Variants in SHISA9 observed in about 807,000 individuals in gnomAD.
The protein encoded by SHISA9 is protein shisa-9.
Under a neutral mutation model 38.0 loss-of-function variants are expected in SHISA9, and 13 were observed. The ratio of observed to expected loss-of-function variants is 0.34; its 90% CI spans 0.22 to 0.54. The LOEUF (loss-of-function observed/expected upper bound fraction) is 0.54, where lower values mean the gene tolerates loss of function less well. SHISA9 is among the 20% of genes least tolerant of loss of function. SHISA9 has a pLI of 0.91. For synonymous variants in SHISA9, 275 were observed against 242.0 expected, an observed-to-expected ratio of 1.14 and a Z score of -1.27; for missense variants, 538 against 575.8, an observed-to-expected ratio of 0.93 and a Z score of 0.67.
the SHISA9 span, among the ~76,000 whole-genome samples, chr16:13,396,570 CA>C: frequency 4.8e-4 from 73 of 152,322 alleles, 1 homozygote; most frequent in East Asian, 7.7e-4. Context: ...AGACTAGACC[CA>C]AATCCTCTTT....
chr16:12,956,709 C>G (rs535333416), intron 2 of SHISA9, among the ~76,000 whole-genome samples: 1 of 152,226 alleles, frequency 6.6e-6, no homozygotes, highest in Non-Finnish European at 1.5e-5. Context: ...ATAATAGACA[C>G]TGGGGACTCC....
At chr16:12,948,493 T>C (rs2071714634) in intron 2 of SHISA9, among the ~76,000 whole-genome samples, 1 of 152,216 alleles carries the variant, frequency 6.6e-6, no homozygotes, top group African/African-American at 2.4e-5. Flanking sequence ...AATACCATGA[T>C]TGAGTAGCTC....
chr16:13,222,421 A>G (rs2051236242), intron 4 of SHISA9, among the ~76,000 whole-genome samples: 2 of 152,120 alleles, frequency 1.3e-5, no homozygotes. Flanking sequence ...TCACTGTGTA[A>G]TTCTGGCCTG....
At chr16:13,437,245 C>T in the SHISA9 span, among the ~76,000 whole-genome samples, 77 of 152,100 alleles carry the variant, frequency 5.1e-4, 1 homozygote, top group Middle Eastern at 0.014. Flanking sequence ...GGATTGGTTG[C>T]CATGGTTACT....
chr16:13,323,629 G>A, the SHISA9 span, among the ~76,000 whole-genome samples: 1 of 152,150 alleles, frequency 6.6e-6, no homozygotes, highest in Non-Finnish European at 1.5e-5. Context: ...CGCCTGGGGA[G>A]GCCTCAGGAA....
Position 12,959,895 on chromosome 16 carries a change from G to T in SHISA9, c.691+43080G>T, listed in dbSNP as rs924159298. On this transcript the variant is annotated intron_variant, in intron 2 of 4. Coordinates refer to ENST00000558583, the MANE Select transcript of SHISA9 (RefSeq NM_001145204.3). Reference sequence around the variant, plus strand: ...AACATAATACTGTTTATTTTGAATTGAAATGCTTTTTAAAAAATTAATAAC... The same window carrying T: ...AACATAATACTGTTTATTTTGAATTTAAATGCTTTTTAAAAAATTAATAAC... 2.6e-5 allele frequency among the ~76,000 whole-genome samples: 4 copies of T among 152,172 alleles called. No individual in the cohort carries two copies. The East Asian group carries it at 7.7e-4, about 29-fold the overall frequency.
chr16:13,249,975 G>C, the SHISA9 span, among the ~76,000 whole-genome samples: 1 of 152,128 alleles, frequency 6.6e-6, no homozygotes, highest in Non-Finnish European at 1.5e-5. Context: ...CTCAAGCAAT[G>C]CTTCCGCCTC....
intron 2 of SHISA9, among the ~76,000 whole-genome samples, chr16:13,112,872 G>A (rs1446412041): frequency 6.6e-6 from 1 of 151,864 alleles, no homozygotes; most frequent in Non-Finnish European, 1.5e-5. Context: ...TAGAATTAGG[G>A]TCTCTTTTTA....
chr16:13,466,792 A>G, the SHISA9 span, among the ~76,000 whole-genome samples: 1 of 152,128 alleles, frequency 6.6e-6, no homozygotes, highest in Admixed American at 6.5e-5. Context: ...GCATTTAAGC[A>G]TTGTTAATTT....
the SHISA9 span, among the ~76,000 whole-genome samples, chr16:13,437,709 T>C: frequency 2.0e-5 from 3 of 152,182 alleles, no homozygotes; most frequent in East Asian, 3.9e-4. Context: ...CAAGTCATTA[T>C]TGATATCAGC....
intron 2 of SHISA9, among the ~76,000 whole-genome samples, chr16:13,196,332 G>C (rs933969758): frequency 6.8e-6 from 1 of 147,382 alleles, no homozygotes; most frequent in African/African-American, 2.5e-5. Context: ...AGGAGGCGGA[G>C]CTTGCAGTGA....
At chr16:12,960,945 G>A (rs2071902954) in intron 2 of SHISA9, among the ~76,000 whole-genome samples, 1 of 152,084 alleles carries the variant, frequency 6.6e-6, no homozygotes, top group African/African-American at 2.4e-5. Context: ...ACAAGGCTTT[G>A]AGTCTATTTT....
chr16:13,149,400 G>T (rs967742527), intron 2 of SHISA9, among the ~76,000 whole-genome samples: 1 of 152,176 alleles, frequency 6.6e-6, no homozygotes, highest in Non-Finnish European at 1.5e-5. Flanking sequence ...CAGGGTCACA[G>T]AGGGTTTCCT....
At chr16:13,274,490 C>T in the SHISA9 span, among the ~76,000 whole-genome samples, 15 of 152,252 alleles carry the variant, frequency 9.9e-5, no homozygotes, top group South Asian at 4.1e-4. Flanking sequence ...CCTATAGTTT[C>T]GGATGCAAAT....
In SHISA9 at chr16:13,235,635, A is replaced by G; in HGVS notation, c.*226A>G. 1 of 553,996 alleles carries G rather than the reference A, an allele frequency of 1.8e-6. No individual in the cohort carries two copies. Among genetic ancestry groups the G allele is most frequent in the Non-Finnish European group, 3.1e-6 (1 of 323,634 alleles). The allele number at this position is 553,996 out of a possible 1,614,324, so 34.3% of individuals were successfully genotyped here. On this transcript the variant is annotated 3_prime_UTR_variant, in exon 5 of 5. Coordinates refer to ENST00000558583, the MANE Select transcript of SHISA9 (RefSeq NM_001145204.3). ...AAGACCGAAGCGTGGACATTCAGCA[A>G]TACAGCAAAGGGGAAAATGAGGCAC...
the SHISA9 span, among the ~76,000 whole-genome samples, chr16:13,285,865 T>C: frequency 3.1e-3 from 477 of 152,280 alleles, 3 homozygotes; most frequent in African/African-American, 0.011. Flanking sequence ...TCTCCTCCTA[T>C]CTTTCCAACT....
At chr16:13,466,692 C>T in the SHISA9 span, among the ~76,000 whole-genome samples, 2 of 152,170 alleles carry the variant, frequency 1.3e-5, no homozygotes, top group African/African-American at 4.8e-5. Flanking sequence ...TACATTTGTG[C>T]ATATATCACA....
intron 2 of SHISA9, among the ~76,000 whole-genome samples, chr16:13,060,136 A>G (rs1036342721): frequency 3.9e-5 from 6 of 152,066 alleles, no homozygotes; most frequent in Non-Finnish European, 8.8e-5. Context: ...TAAATCCCAG[A>G]CGGGCCTGGC....
chr16:12,928,176 AT>A (rs11361092), intron 2 of SHISA9, among the ~76,000 whole-genome samples: 123,488 of 151,092 alleles, frequency 0.82, 51,111 homozygotes, highest in African/African-American at 0.94. Context: ...CTTATCTTAT[AT>A]TTTTTTTTTG....
Sources: allele counts gnomAD v4.1 joint callset (sites outside exome capture counted in the v4.1 genomes callset), GRCh38; gene constraint gnomAD v4.1.1; transcripts MANE v1.5; gene names NCBI Gene and HGNC (gene_info 2026-07-23, HGNC 2026-07-21).